Variants in PCDH11Y observed in about 807,000 individuals in gnomAD.
PCDH11Y encodes protocadherin 11 Y-linked.
For missense variants in PCDH11Y, 12 were observed against 224.8 expected (o/e 0.05, Z 6.05); for synonymous variants, 9 against 83.6 (o/e 0.11, Z 4.87).
At chrY:5,035,303 T>C (rs2052597724) in intron 3 of PCDH11Y, among the ~76,000 whole-genome samples, 1 of 30,621 alleles carries the variant, frequency 3.3e-5, no homozygotes, top group Non-Finnish European at 8.0e-5. Flanking sequence ...AATCTCTCTT[T>C]AACAGTTCCT....
intron 1 of PCDH11Y, among the ~76,000 whole-genome samples, chrY:5,009,376 G>A (rs2052544544): frequency 3.0e-5 from 1 of 33,205 alleles, no homozygotes; most frequent in Non-Finnish European, 7.4e-5. Flanking sequence ...GTTTTGATAT[G>A]GAAAACAAGT....
chrY:5,731,972 T>C (rs2124715302), intron 4 of PCDH11Y, among the ~76,000 whole-genome samples: 1 of 31,172 alleles, frequency 3.2e-5, no homozygotes, highest in Non-Finnish European at 7.9e-5. Flanking sequence ...TGTTCTTGTG[T>C]TCTGTTTCCA....
intron 4 of PCDH11Y, among the ~76,000 whole-genome samples, chrY:5,700,532 G>C (rs207480500): frequency 3.0e-5 from 1 of 33,350 alleles, no homozygotes; most frequent in Non-Finnish European, 7.4e-5. Flanking sequence ...TAAGGGGAAA[G>C]CTCTTTCCCT....
chrY:5,664,634 G>A (rs2053543531), intron 4 of PCDH11Y, among the ~76,000 whole-genome samples: 2 of 24,360 alleles, frequency 8.2e-5, no homozygotes, highest in African/African-American at 1.7e-4. Context: ...GCGGAGTCTC[G>A]CTCTGTCACC....
At chrY:5,482,239 C>T (rs1602932048) in intron 2 of PCDH11Y, among the ~76,000 whole-genome samples, 5 of 32,486 alleles carry the variant, frequency 1.5e-4, no homozygotes, top group Non-Finnish European at 3.0e-4. Context: ...CCTCGTGATC[C>T]GCCCGCCTCA....
intron 2 of PCDH11Y, among the ~76,000 whole-genome samples, chrY:5,309,668 C>T: frequency 1.5e-4 from 5 of 32,753 alleles, no homozygotes; most frequent in Admixed American, 1.4e-3. Context: ...GCAGAGTAAT[C>T]ACCTGATTGG....
At chrY:5,045,415 C>T (rs1602847825) in intron 3 of PCDH11Y, among the ~76,000 whole-genome samples, 1 of 32,422 alleles carries the variant, frequency 3.1e-5, no homozygotes, top group African/African-American at 1.2e-4. Context: ...AAAATTCTTT[C>T]CTTTAAGAAT....
chrY:5,329,447 A>T, intron 2 of PCDH11Y, among the ~76,000 whole-genome samples: 1 of 32,310 alleles, frequency 3.1e-5, no homozygotes, highest in East Asian at 8.5e-4. Flanking sequence ...CTTGCCCCCT[A>T]GGAAAGCGGG....
At chrY:5,130,256 A>T (rs2052832133) in intron 2 of PCDH11Y, among the ~76,000 whole-genome samples, 2 of 33,833 alleles carry the variant, frequency 5.9e-5, no homozygotes, top group South Asian at 1.3e-3. Flanking sequence ...AGTTAAACAA[A>T]AGAGCTTCTG....
rs747002833 is a variant in PCDH11Y, at chrY:5,385,099, G to GGTCT, written c.3130-115955_3130-115952dup. Among the ~76,000 whole-genome samples, 230 of 22,318 alleles carry GGTCT rather than the reference G, an allele frequency of 0.01. No individual in the cohort carries two copies. In the Middle Eastern group the frequency reaches 0.13, roughly 13 times the overall value. 59.9% of individuals were successfully genotyped at this position (22,318 alleles called of 37,273 possible). A position where few individuals can be genotyped will look rare whatever the true frequency, so the allele number is the denominator to read the frequency against. On this transcript the variant is annotated intron_variant, in intron 2 of 4. Transcript: ENST00000400457. Reference sequence around the variant, plus strand: ...ATTTTTTTGTTTGTTTGTTTATTTTGGTCTGTAGCTGGCTGGCTCTACTGG... The same window carrying GGTCT: ...ATTTTTTTGTTTGTTTGTTTATTTTGGTCTGTCTGTAGCTGGCTGGCTCTACTGG...
chrY:5,639,126 T>C, intron 4 of PCDH11Y, among the ~76,000 whole-genome samples: 1 of 31,637 alleles, frequency 3.2e-5, no homozygotes, highest in Non-Finnish European at 7.6e-5. Context: ...TGAAAAATAA[T>C]ACTGACAAAC....
At chrY:5,718,457 C>T (rs4029033) in intron 4 of PCDH11Y, among the ~76,000 whole-genome samples, 1 of 32,307 alleles carries the variant, frequency 3.1e-5, no homozygotes, top group Non-Finnish European at 7.5e-5. Context: ...AATTACATCA[C>T]GGTGGCAGGT....
At chrY:5,561,857 T>A (rs2053429096) in intron 3 of PCDH11Y, among the ~76,000 whole-genome samples, 2 of 28,659 alleles carry the variant, frequency 7.0e-5, no homozygotes, top group Non-Finnish European at 1.7e-4. Flanking sequence ...CAAGAATATG[T>A]GTGTGTGGTG....
At chrY:5,024,331 AGT>A (rs2052575405) in intron 1 of PCDH11Y, among the ~76,000 whole-genome samples, 1 of 33,064 alleles carries the variant, frequency 3.0e-5, no homozygotes, top group Non-Finnish European at 7.5e-5. Flanking sequence ...AGTAAAAATT[AGT>A]GTTGGAGAAG....
exon 1 of PCDH11Y, chrY:5,056,165 A>C: frequency 6.2e-5 from 2 of 32,356 alleles, no homozygotes; most frequent in East Asian, 1.7e-3. Flanking sequence ...AGAATCCTTT[A>C]ATAAGCAGTT....
intron 4 of PCDH11Y, among the ~76,000 whole-genome samples, chrY:5,615,818 G>A (rs2124701552): frequency 6.0e-5 from 2 of 33,145 alleles, no homozygotes; most frequent in African/African-American, 2.4e-4. Flanking sequence ...CCATGAGGAC[G>A]ACAATGGATT....
intron 2 of PCDH11Y, among the ~76,000 whole-genome samples, chrY:5,311,724 C>G: frequency 3.3e-5 from 1 of 30,300 alleles, no homozygotes; most frequent in African/African-American, 1.3e-4. Context: ...ATGGAGTTTC[C>G]CTCTTGTTGT....
intron 4 of PCDH11Y, among the ~76,000 whole-genome samples, chrY:5,707,161 C>T: frequency 5.5e-5 from 1 of 18,113 alleles, no homozygotes; most frequent in Non-Finnish European, 1.2e-4. Flanking sequence ...CGCTAATTCA[C>T]AATGCATGTT....
intron 4 of PCDH11Y, among the ~76,000 whole-genome samples, chrY:5,698,652 C>T (rs2053574188): frequency 3.0e-5 from 1 of 33,291 alleles, no homozygotes; most frequent in Admixed American, 2.8e-4. Context: ...TTGTGTTTTT[C>T]AGCTCCATCG....
Sources: allele counts gnomAD v4.1 joint callset (sites outside exome capture counted in the v4.1 genomes callset), GRCh38; gene constraint gnomAD v4.1.1; transcripts MANE v1.5; gene names NCBI Gene and HGNC (gene_info 2026-07-23, HGNC 2026-07-21).